TBCK: variants seen among roughly 807,000 people sequenced by gnomAD.
TBCK encodes TBC domain-containing protein kinase-like protein.
In TBCK, 99 loss-of-function variants were observed where a neutral mutation model predicts 113.4. The ratio of observed to expected loss-of-function variants is 0.87; its 90% CI spans 0.74 to 1.03. TBCK has a LOEUF of 1.03. TBCK is among the 50% of genes least tolerant of loss of function. TBCK has a pLI of 0.00. For synonymous variants in TBCK, 369 were observed against 370.8 expected (o/e 1.00, Z 0.05); for missense variants, 1,045 against 1,061.3 (o/e 0.98, Z 0.21).
intron 22 of TBCK, among the ~76,000 whole-genome samples, chr4:106,186,712 T>TATCTTCTGATA (rs1245198981): frequency 6.6e-6 from 1 of 152,182 alleles, no homozygotes; most frequent in Non-Finnish European, 1.5e-5. Flanking sequence ...TTTCTTTTGC[T>TATCTTCTGATA]GTGCAGAAGC....
chr4:106,059,241 T>G (rs1051869883), intron 25 of TBCK, among the ~76,000 whole-genome samples: 1 of 151,614 alleles, frequency 6.6e-6, no homozygotes, highest in African/African-American at 2.4e-5. Flanking sequence ...TAGAGGGTTG[T>G]TGGAAAAATT....
In TBCK at chr4:106,047,313, C is replaced by T. The variant is rs17036548; in HGVS notation, c.2572-633G>A. 9.2e-5 allele frequency among the ~76,000 whole-genome samples: 14 copies of T among 152,260 alleles called. No homozygotes were observed. The South Asian group carries it at 2.5e-3, about 27-fold the overall frequency. The stretch of plus-strand genomic sequence containing the variant: ...ACGACTTAGCTAAAATCTACCTATC[C>T]AGGATCATCGATTGCCTTTCCTTAT... On this transcript the variant is annotated intron_variant, in intron 25 of 25. Coordinates refer to ENST00000394708, the MANE Select transcript of TBCK (RefSeq NM_001163435.3).
rs115370753 is a variant in TBCK, at chr4:106,213,165, A to G, written c.1775-330T>C. On this transcript the variant is annotated intron_variant, in intron 19 of 25. Coordinates refer to ENST00000394708, the MANE Select transcript of TBCK (RefSeq NM_001163435.3). ...ATTAAATCTGCTTTGTATTTCTTGA[A>G]TGTTCAGAAAGTGTAGCAGATCCTT... Among the ~76,000 whole-genome samples the G allele has an allele frequency of 5.7e-3, 866 of 152,316 alleles. 10 individuals are homozygous for G. Among genetic ancestry groups the G allele is most frequent in the African/African-American group, 0.02 (836 of 41,574 alleles).
chr4:106,081,112 C>T (rs532956348), intron 25 of TBCK, among the ~76,000 whole-genome samples: 2 of 152,194 alleles, frequency 1.3e-5, no homozygotes, highest in South Asian at 4.2e-4. Context: ...CTGGAATTGC[C>T]ATCAGTATGG....
chr4:106,247,485 T>C, intron 9 of TBCK, 198 bp from the exon 10 acceptor site: 1 of 501,030 alleles, frequency 2.0e-6, no homozygotes, highest in Non-Finnish European at 3.4e-6. Context: ...GAATTTTTTT[T>C]ACTTATGTTG....
chr4:106,226,463 T>C (rs1758257128), intron 19 of TBCK, among the ~76,000 whole-genome samples: 1 of 152,190 alleles, frequency 6.6e-6, no homozygotes, highest in Non-Finnish European at 1.5e-5. Context: ...TTTTATTGCT[T>C]ATTTGAGGAT....
chr4:106,261,881 A>G (rs1762541515), intron 4 of TBCK, among the ~76,000 whole-genome samples: 1 of 152,068 alleles, frequency 6.6e-6, no homozygotes, highest in South Asian at 2.1e-4. Context: ...TGTGGGAAAA[A>G]TAATCCATGT....
At chr4:106,101,540 T>A (rs972363234) in intron 24 of TBCK, among the ~76,000 whole-genome samples, 3 of 152,196 alleles carry the variant, frequency 2.0e-5, no homozygotes, top group African/African-American at 7.2e-5. Flanking sequence ...GTAATACTAG[T>A]GTTCACTAAG....
At position 106,143,949 on chromosome 4, in the gene TBCK, A is replaced by G. The variant is rs555030840; in HGVS notation, c.2235+27146T>C. 1.1e-4 allele frequency among the ~76,000 whole-genome samples: 17 copies of G among 152,148 alleles called. 1 individual carries two copies. In the South Asian group the frequency reaches 3.5e-3, roughly 32 times the overall value. On this transcript the variant is annotated intron_variant, in intron 23 of 25. Coordinates refer to ENST00000394708, the MANE Select transcript of TBCK (RefSeq NM_001163435.3). ...AAAAAAAGTAAAGGCAAAACCCGCA[A>G]TTACTCTTGCACCAACCTAACATAT...
chr4:106,097,402 A>C (rs931310716), intron 24 of TBCK, among the ~76,000 whole-genome samples: 1 of 152,200 alleles, frequency 6.6e-6, no homozygotes, highest in South Asian at 2.1e-4. Flanking sequence ...TGAAACTTAT[A>C]GCACAAAAAT....
intron 22 of TBCK, among the ~76,000 whole-genome samples, chr4:106,189,342 C>CAA (rs1189938399): frequency 0.032 from 1,918 of 59,340 alleles, 45 homozygotes; most frequent in African/African-American, 0.088. Flanking sequence ...GACTCCATCT[C>CAA]AAAAAAAAAA....
intron 25 of TBCK, among the ~76,000 whole-genome samples, chr4:106,083,381 C>A (rs1442991071): frequency 6.6e-6 from 1 of 152,208 alleles, no homozygotes; most frequent in Non-Finnish European, 1.5e-5. Context: ...CGGGGCTTCC[C>A]TGAACAATCT....
intron 25 of TBCK, among the ~76,000 whole-genome samples, chr4:106,068,413 G>A (rs1323047647): frequency 6.6e-6 from 1 of 152,078 alleles, no homozygotes; most frequent in East Asian, 1.9e-4. Context: ...TTGGTTTGCA[G>A]TCCTTGTGAT....
chr4:106,293,721 C>T (rs1765966968), intron 3 of TBCK, among the ~76,000 whole-genome samples: 1 of 152,096 alleles, frequency 6.6e-6, no homozygotes, highest in African/African-American at 2.4e-5. Context: ...CAAATTACTA[C>T]CATTTATTAA....
At chr4:106,235,763 C>T (rs904138864) in intron 14 of TBCK, among the ~76,000 whole-genome samples, 1 of 151,994 alleles carries the variant, frequency 6.6e-6, no homozygotes, top group Non-Finnish European at 1.5e-5. Flanking sequence ...CTATAAGCTA[C>T]TATTATGAGT....
chr4:106,174,378 G>A (rs1751386836), intron 22 of TBCK, among the ~76,000 whole-genome samples: 2 of 152,070 alleles, frequency 1.3e-5, no homozygotes, highest in South Asian at 4.1e-4. Context: ...TTGACTGATA[G>A]TTTGACCAGA....
intron 19 of TBCK, 106 bp downstream of exon 19, chr4:106,230,257 T>C (rs763069963): frequency 1.8e-6 from 1 of 562,062 alleles, no homozygotes. Context: ...GGATGGACCA[T>C]CATCGTATTT....
At chr4:106,232,164 C>A (rs1337676998) in intron 17 of TBCK, among the ~76,000 whole-genome samples, 1 of 151,464 alleles carries the variant, frequency 6.6e-6, no homozygotes, top group African/African-American at 2.4e-5. Flanking sequence ...TGTTGTTTTT[C>A]TTTGGGATTA....
In TBCK at chr4:106,250,489, T is replaced by A; in HGVS notation, c.598-11A>T. 1 of 1,352,198 alleles carries A rather than the reference T, an allele frequency of 7.4e-7. No individual in the cohort carries two copies. The highest frequency in any genetic ancestry group is 1.0e-6 in the Non-Finnish European group (1 of 971,754). The allele number at this position is 1,352,198 out of a possible 1,614,324, so 83.8% of individuals were successfully genotyped here. ...AAATAATTTTCTTCCCTAAATAAAA[T>A]GAGAAAAGAAATTTCTATTAATATT... On this transcript the variant is annotated splice_polypyrimidine_tract_variant and intron_variant, in intron 6 of 25. Transcript: ENST00000394708.
Sources: allele counts gnomAD v4.1 joint callset (sites outside exome capture counted in the v4.1 genomes callset), GRCh38; gene constraint gnomAD v4.1.1; transcripts MANE v1.5; gene names NCBI Gene and HGNC (gene_info 2026-07-23, HGNC 2026-07-21).